CORO2B: variants seen among roughly 807,000 people sequenced by gnomAD.
CORO2B encodes coronin 2B.
Under a neutral mutation model 58.8 loss-of-function variants are expected in CORO2B, and 26 were observed. The observed-to-expected ratio is 0.44, with a 90% confidence interval of 0.32 to 0.61. The LOEUF (loss-of-function observed/expected upper bound fraction) is 0.61, where lower values mean the gene tolerates loss of function less well. Ranked by LOEUF, CORO2B falls within the 20% of genes least tolerant of loss-of-function variation. CORO2B has a pLI of 0.04. For missense variants in CORO2B, 460 were observed against 645.1 expected, an observed-to-expected ratio of 0.71 and a Z score of 3.11; for synonymous variants, 242 against 253.8, an observed-to-expected ratio of 0.95 and a Z score of 0.44.
chr15:68,659,892 G>A (rs896738867), intron 2 of CORO2B, among the ~76,000 whole-genome samples: 6 of 152,164 alleles, frequency 3.9e-5, no homozygotes, highest in Non-Finnish European at 5.9e-5. Context: ...CAAGGCCTGG[G>A]TGACAGAGCG....
At chr15:68,700,767 C>T (rs535263027) in intron 3 of CORO2B, among the ~76,000 whole-genome samples, 120 of 152,112 alleles carry the variant, frequency 7.9e-4, no homozygotes, top group Non-Finnish European at 1.5e-3. Context: ...TTCCAAGCCT[C>T]GTGCTCCCAG....
chr15:68,718,636 G>A, intron 8 of CORO2B, 62 bp from the exon 9 acceptor site: 1 of 1,361,466 alleles, frequency 7.3e-7, no homozygotes, highest in East Asian at 2.3e-5. Context: ...GAACATCATG[G>A]GGTGATGTCA....
Position 68,685,727 on chromosome 15 carries a change from C to T in CORO2B, c.217-9413C>T, listed in dbSNP as rs145518900. On this transcript the variant is annotated intron_variant, in intron 2 of 11. Transcript: ENST00000261861. ...AAAAATACCAATGCCTGGCTCCTGC[C>T]TCTCAGATATTGGGATTAAATTGAT... is the stretch of plus-strand genomic sequence containing the variant. Among the ~76,000 whole-genome samples, 3 of 151,762 alleles carry T rather than the reference C, an allele frequency of 2.0e-5. No homozygotes were observed. In the East Asian group the frequency reaches 5.8e-4, roughly 30 times the overall value.
intron 1 of CORO2B, among the ~76,000 whole-genome samples, chr15:68,622,606 A>G (rs1447447911): frequency 6.6e-6 from 1 of 152,196 alleles, no homozygotes; most frequent in Admixed American, 6.5e-5. Context: ...CCGACTACTC[A>G]TTAGAAACAG....
intron 1 of CORO2B, among the ~76,000 whole-genome samples, chr15:68,642,665 T>C (rs1901292447): frequency 6.6e-6 from 1 of 152,154 alleles, no homozygotes; most frequent in African/African-American, 2.4e-5. Context: ...CTGGTATCAC[T>C]TCCTGCCATC....
chr15:68,726,805 T>G lies in CORO2B; in HGVS notation c.*831T>G. ...GTGTTCAGACCCCAAGGCCAGGGCCTTTCCCGCTGCATCAAGATGCCAATC... is the reference window on the plus strand; with the variant it reads ...GTGTTCAGACCCCAAGGCCAGGGCCGTTCCCGCTGCATCAAGATGCCAATC... On this transcript the variant is annotated 3_prime_UTR_variant, in exon 12 of 12. Coordinates refer to ENST00000261861, the MANE Select transcript of CORO2B (RefSeq NM_006091.5). The G allele has an allele frequency of 6.6e-6, 1 of 152,212 alleles. No homozygotes were observed. Among genetic ancestry groups the G allele is most frequent in the East Asian group, 1.9e-4 (1 of 5,174 alleles). The allele number at this position is 152,212 out of a possible 1,614,324, so 9.4% of individuals were successfully genotyped here.
chr15:68,668,239 G>A (rs182502200), intron 2 of CORO2B, among the ~76,000 whole-genome samples: 6 of 152,264 alleles, frequency 3.9e-5, no homozygotes, highest in East Asian at 1.9e-4. Flanking sequence ...GCCCCACAAC[G>A]TGTTCACACT....
intron 3 of CORO2B, among the ~76,000 whole-genome samples, chr15:68,706,685 G>A (rs1022757795): frequency 2.0e-5 from 3 of 152,118 alleles, no homozygotes; most frequent in African/African-American, 7.2e-5. Flanking sequence ...GTAGCCGGTA[G>A]ACATGAGAAA....
chr15:68,607,206 A>C (rs1490368296), intron 1 of CORO2B, among the ~76,000 whole-genome samples: 1 of 152,132 alleles, frequency 6.6e-6, no homozygotes, highest in African/African-American at 2.4e-5. Flanking sequence ...GTGACATCTG[A>C]GAATCATCTG....
intron 2 of CORO2B, among the ~76,000 whole-genome samples, chr15:68,651,713 T>C (rs1268018232): frequency 6.6e-6 from 1 of 152,154 alleles, no homozygotes; most frequent in African/African-American, 2.4e-5. Context: ...TATCCTCTCA[T>C]TCCTTGCTTG....
the CORO2B span, among the ~76,000 whole-genome samples, chr15:68,554,712 A>G: frequency 1.3e-5 from 2 of 152,180 alleles, no homozygotes; most frequent in Non-Finnish European, 2.9e-5. Context: ...TTCATTATAC[A>G]TGAGGAAACT....
At chr15:68,699,990 G>T (rs992219980) in intron 3 of CORO2B, among the ~76,000 whole-genome samples, 2 of 152,160 alleles carry the variant, frequency 1.3e-5, no homozygotes, top group Non-Finnish European at 2.9e-5. Flanking sequence ...GGCATCCCCC[G>T]CTGCAGCCTG....
chr15:68,523,854 T>A, the CORO2B span, among the ~76,000 whole-genome samples: 2 of 152,162 alleles, frequency 1.3e-5, no homozygotes, highest in African/African-American at 2.4e-5. Flanking sequence ...AACTTCCTTT[T>A]TTTTCTCCAA....
At chr15:68,525,121 T>C in the CORO2B span, among the ~76,000 whole-genome samples, 1 of 151,906 alleles carries the variant, frequency 6.6e-6, no homozygotes, top group Non-Finnish European at 1.5e-5. Context: ...AGCTTAACCC[T>C]CCTCCCATTC....
Position 68,579,202 on chromosome 15 carries a change from GGCCGCC to G in CORO2B, c.-51_-46del. The G allele has an allele frequency of 1.0e-6, 1 of 993,904 alleles. No individual in the cohort carries two copies. The highest frequency in any genetic ancestry group is 1.2e-6 in the Non-Finnish European group (1 of 836,210). The allele number at this position is 993,904 out of a possible 1,614,324, so 61.6% of individuals were successfully genotyped here. A position where few individuals can be genotyped will look rare whatever the true frequency, so the allele number is the denominator to read the frequency against. On this transcript the variant is annotated 5_prime_UTR_variant, in exon 1 of 12. Transcript: ENST00000261861. ...CGGACCCCCTTCCGCCGCCGCCCCG[GGCCGCC>G]GCCGCCGCCCCCGCACGCCGCGCCC...
chr15:68,718,914 T>A, intron 9 of CORO2B, 104 bp downstream of exon 9: 1 of 1,083,592 alleles, frequency 9.2e-7, no homozygotes, highest in Non-Finnish European at 1.4e-6. Flanking sequence ...AGATGTGCTG[T>A]GAACTGGGGT....
At chr15:68,561,964 G>T in the CORO2B span, among the ~76,000 whole-genome samples, 1 of 152,116 alleles carries the variant, frequency 6.6e-6, no homozygotes, top group African/African-American at 2.4e-5. Context: ...GTAGGGGGAG[G>T]GCTGTAAGTG....
At chr15:68,587,802 G>A (rs1899604650) in intron 1 of CORO2B, among the ~76,000 whole-genome samples, 2 of 152,220 alleles carry the variant, frequency 1.3e-5, no homozygotes, top group Non-Finnish European at 2.9e-5. Context: ...GGAAGGAAGG[G>A]AGGTAACTTT....
At position 68,608,062 on chromosome 15, in the gene CORO2B, A is replaced by G. The variant is rs973971279; in HGVS notation, c.15+28785A>G. ...CCAGACCACAGCTTTGCAGAGGCGT[A>G]TGTCCTTTGACACTGGTGAAATGCC... On this transcript the variant is annotated intron_variant, in intron 1 of 11. Coordinates refer to ENST00000261861, the MANE Select transcript of CORO2B (RefSeq NM_006091.5). Among the ~76,000 whole-genome samples the G allele has an allele frequency of 2.0e-5, 3 of 152,238 alleles. No individual in the cohort carries two copies. The East Asian group carries it at 5.8e-4, about 29-fold the overall frequency.
Sources: gnomAD v4.1 joint callset for allele counts (sites outside exome capture counted in the v4.1 genomes callset) on GRCh38, gnomAD v4.1.1 for gene constraint, MANE v1.5 for transcripts, NCBI Gene and HGNC (gene_info 2026-07-23, HGNC 2026-07-21) for gene names.